BICD2: variants seen among roughly 807,000 people sequenced by gnomAD.
BICD2 encodes the protein BICD cargo adaptor 2.
Under a neutral mutation model 72.9 loss-of-function variants are expected in BICD2, and 25 were observed. The ratio of observed to expected loss-of-function variants is 0.34; its 90% confidence interval spans 0.25 to 0.48. The LOEUF is 0.48. BICD2 is among the 20% of genes least tolerant of loss of function. The probability of loss-of-function intolerance (pLI) is 0.99; values close to 1 mark genes in which losing one functional copy is unlikely to be tolerated. For missense variants in BICD2, 894 were observed against 1,175.2 expected, an observed-to-expected ratio of 0.76 and a Z score of 3.50; for synonymous variants, 501 against 516.1, an observed-to-expected ratio of 0.97 and a Z score of 0.40.
rs1233297588 is a variant in BICD2 at position 92,720,004 on chromosome 9, C to T, written c.1062+296G>A. On this transcript the variant is annotated intron_variant, in intron 4 of 6. Coordinates refer to ENST00000356884, the MANE Select transcript of BICD2 (RefSeq NM_001003800.2). The surrounding 1 kb of genome is among the most constrained non-coding windows in gnomAD (Gnocchi z 5.4). The stretch of plus-strand genomic sequence containing the variant: ...GAGCCCAAGCATGACCATGGTGGGC[C>T]CCTGACACCTGGCCTGCGTGCAGGG... Among the ~76,000 whole-genome samples the T allele has an allele frequency of 6.6e-6, 1 of 152,178 alleles. No homozygotes were observed. The highest frequency in any genetic ancestry group is 2.4e-5 in the African/African-American group (1 of 41,436).
At chr9:92,735,651 C>T (rs1008652922) in intron 1 of BICD2, among the ~76,000 whole-genome samples, 1 of 151,586 alleles carries the variant, frequency 6.6e-6, no homozygotes, top group African/African-American at 2.4e-5. Context: ...CAAGTCGGGG[C>T]AGGGAGGGGC....
At chr9:92,738,754 G>T (rs1853838926) in intron 1 of BICD2, among the ~76,000 whole-genome samples, 1 of 152,216 alleles carries the variant, frequency 6.6e-6, no homozygotes, top group Admixed American at 6.5e-5. Context: ...GCTGTCCCAG[G>T]GAATTCTCTT....
intron 1 of BICD2, among the ~76,000 whole-genome samples, chr9:92,732,293 A>G (rs775717252): frequency 4.6e-5 from 7 of 152,252 alleles, no homozygotes; most frequent in Non-Finnish European, 1.0e-4. Context: ...GACAAAAGCA[A>G]GACTCAAACA....
At chr9:92,733,420 C>T (rs1853714876) in intron 1 of BICD2, among the ~76,000 whole-genome samples, 1 of 151,682 alleles carries the variant, frequency 6.6e-6, no homozygotes, top group Admixed American at 6.6e-5. Flanking sequence ...TGCCTGTAAT[C>T]CCAGCTTCTT....
chr9:92,749,669 C>T (rs768204471), intron 1 of BICD2, among the ~76,000 whole-genome samples: 3 of 152,256 alleles, frequency 2.0e-5, no homozygotes, highest in African/African-American at 7.2e-5. Flanking sequence ...GAAGATTACA[C>T]CCTAATTGCC....
At position 92,711,890 on chromosome 9, in the gene BICD2, C is replaced by T. The variant is rs1853202225; in HGVS notation, c.*3264G>A. On this transcript the variant is annotated 3_prime_UTR_variant, in exon 7 of 7. Coordinates refer to ENST00000356884, the MANE Select transcript of BICD2 (RefSeq NM_001003800.2). ...GAAGGAAGGACAGTTTTTCTTCCTCCAAGAGTACCAATTTGACCACTCCCA... is the reference window on the plus strand; with the variant it reads ...GAAGGAAGGACAGTTTTTCTTCCTCTAAGAGTACCAATTTGACCACTCCCA... 6.6e-6 allele frequency: 1 copy of T among 152,356 alleles called. No individual in the cohort carries two copies. Among genetic ancestry groups the T allele is most frequent in the African/African-American group, 2.4e-5 (1 of 41,338 alleles). 9.4% of individuals were successfully genotyped at this position (152,356 alleles called of 1,614,324 possible).
intron 1 of BICD2, among the ~76,000 whole-genome samples, chr9:92,751,695 G>A (rs1410894422): frequency 1.3e-5 from 2 of 152,230 alleles, no homozygotes; most frequent in East Asian, 1.9e-4. Flanking sequence ...AACGATCTAC[G>A]TGGTAATGGA....
chr9:92,743,685 G>A (rs1036524230), intron 1 of BICD2, among the ~76,000 whole-genome samples: 1 of 152,150 alleles, frequency 6.6e-6, no homozygotes, highest in Admixed American at 6.5e-5. Context: ...AGATGGAAGA[G>A]AGCCATCTCT....
chr9:92,736,207 G>A (rs999439298), intron 1 of BICD2, among the ~76,000 whole-genome samples: 1 of 152,180 alleles, frequency 6.6e-6, no homozygotes, highest in East Asian at 1.9e-4. Context: ...TGATAAAACA[G>A]GTTGCAGTAA....
chr9:92,753,237 G>C (rs1854186291), intron 1 of BICD2, among the ~76,000 whole-genome samples: 1 of 152,174 alleles, frequency 6.6e-6, no homozygotes, highest in African/African-American at 2.4e-5. Context: ...CAGTCAACTG[G>C]AGCCTAAGGA....
chr9:92,731,461 T>G (rs1300724343), intron 1 of BICD2, among the ~76,000 whole-genome samples: 1 of 151,096 alleles, frequency 6.6e-6, no homozygotes, highest in Admixed American at 6.6e-5. Context: ...AGAACTACCT[T>G]CTGTGTGAAA....
intron 6 of BICD2, among the ~76,000 whole-genome samples, chr9:92,717,103 A>T (rs1164817931): frequency 1.3e-5 from 2 of 152,142 alleles, no homozygotes; most frequent in African/African-American, 4.8e-5. Flanking sequence ...ACATAAATAC[A>T]CACTTGTGCC....
At chr9:92,748,128 C>G (rs918591970) in intron 1 of BICD2, among the ~76,000 whole-genome samples, 2 of 152,178 alleles carry the variant, frequency 1.3e-5, no homozygotes, top group African/African-American at 2.4e-5. Context: ...TCATCCCTCT[C>G]TCTCCAGCCA....
intron 2 of BICD2, among the ~76,000 whole-genome samples, 178 bp from the exon 3 acceptor site, chr9:92,722,986 C>G (rs1398526489): frequency 1.3e-5 from 2 of 152,210 alleles, no homozygotes; most frequent in Admixed American, 6.5e-5. Context: ...CCAGAGTGCA[C>G]AGCGGACTGC....
At chr9:92,731,409 C>T (rs62574683) in intron 1 of BICD2, among the ~76,000 whole-genome samples, 6,385 of 151,904 alleles carry the variant, frequency 0.042, 172 homozygotes, top group Middle Eastern at 0.058. Flanking sequence ...CACTGAGATA[C>T]AGACTTCCGC....
chr9:92,758,289 C>T (rs563055658), intron 1 of BICD2, among the ~76,000 whole-genome samples: 3 of 151,640 alleles, frequency 2.0e-5, no homozygotes, highest in East Asian at 1.9e-4. Context: ...CAGTGGCTCA[C>T]GCCTGTAATC....
At chr9:92,742,471 A>G (rs10821013) in intron 1 of BICD2, among the ~76,000 whole-genome samples, 102,347 of 150,454 alleles carry the variant, frequency 0.68, 36,298 homozygotes, top group African/African-American at 0.9. Context: ...TGCAAGCTCC[A>G]CCTCCCAGGT....
At chr9:92,730,620 C>T (rs1030377956) in intron 1 of BICD2, among the ~76,000 whole-genome samples, 3 of 152,186 alleles carry the variant, frequency 2.0e-5, no homozygotes, top group Admixed American at 6.5e-5. Flanking sequence ...CACACATGTG[C>T]TATGGCAGGT....
At position 92,764,390 on chromosome 9, in the gene BICD2, C is replaced by A. The variant is rs1854437319; in HGVS notation, c.240+115G>T. The A allele has an allele frequency of 1.6e-5, 21 of 1,332,980 alleles. No homozygotes were observed. The highest frequency in any genetic ancestry group is 1.9e-5 in the Non-Finnish European group (20 of 1,040,286). 82.6% of individuals were successfully genotyped at this position (1,332,980 alleles called of 1,614,324 possible). ...GCCCGTGCCCCCTCCGCCCCGGCGG[C>A]CCACCCCTGCCGGCCCCCGCTTGGC... On this transcript the variant is annotated intron_variant, in intron 1 of 6. Coordinates refer to ENST00000356884, the MANE Select transcript of BICD2 (RefSeq NM_001003800.2). The surrounding 1 kb of genome is among the most constrained non-coding windows in gnomAD (Gnocchi z 5.5).
Sources: allele counts gnomAD v4.1 joint callset (sites outside exome capture counted in the v4.1 genomes callset), GRCh38; gene constraint gnomAD v4.1.1; non-coding constraint Gnocchi (gnomAD v3.1); transcripts MANE v1.5; gene names NCBI Gene and HGNC (gene_info 2026-07-23, HGNC 2026-07-21).